Variants in SLC17A1 observed in about 807,000 individuals in gnomAD.
SLC17A1 encodes sodium-dependent phosphate transport protein 1.
A neutral mutation model predicts 53.5 loss-of-function variants in SLC17A1; 51 were observed. The ratio of observed to expected loss-of-function variants is 0.95; its 90% CI spans 0.76 to 1.20. The LOEUF is 1.20. SLC17A1 is among the 50% of genes most tolerant of loss of function. The probability of loss-of-function intolerance (pLI) is 0.00; values close to 1 mark genes in which losing one functional copy is unlikely to be tolerated. For missense variants in SLC17A1, 538 were observed against 568.2 expected (o/e 0.95, Z 0.54); for synonymous variants, 179 against 198.8 (o/e 0.90, Z 0.84).
chr6:25,731,382 T>C, the SLC17A1 span, among the ~76,000 whole-genome samples: 2 of 152,262 alleles, frequency 1.3e-5, no homozygotes, highest in Non-Finnish European at 2.9e-5. Context: ...AACAGCCTAA[T>C]GCTCAGTGCC....
chr6:25,784,160 A>AAC (rs1294014366), intron 12 of SLC17A1, among the ~76,000 whole-genome samples: 2 of 152,178 alleles, frequency 1.3e-5, no homozygotes, highest in Non-Finnish European at 2.9e-5. Context: ...TTCCAGTGGA[A>AAC]ACAGCTGCTT....
At chr6:25,815,473 G>A (rs1352080428) in intron 6 of SLC17A1, among the ~76,000 whole-genome samples, 2 of 151,914 alleles carry the variant, frequency 1.3e-5, no homozygotes, top group East Asian at 1.9e-4. Flanking sequence ...TTTCTGAGAC[G>A]AATTACTATT....
the SLC17A1 span, among the ~76,000 whole-genome samples, chr6:25,730,174 A>C: frequency 6.6e-6 from 1 of 152,216 alleles, no homozygotes; most frequent in Non-Finnish European, 1.5e-5. Context: ...ATTGAAAGGA[A>C]ATAAAATCAG....
chr6:25,742,834 C>T, the SLC17A1 span, among the ~76,000 whole-genome samples: 9 of 152,162 alleles, frequency 5.9e-5, no homozygotes, highest in East Asian at 1.9e-4. Context: ...CAAATTAATA[C>T]ATTTTGTGCG....
chr6:25,732,099 T>G, the SLC17A1 span: 1 of 922,782 alleles, frequency 1.1e-6, no homozygotes, highest in Non-Finnish European at 1.5e-6. Context: ...CTTCGAGTTT[T>G]AGCAACTGCC....
the SLC17A1 span, among the ~76,000 whole-genome samples, chr6:25,756,080 T>C: frequency 6.6e-6 from 1 of 152,162 alleles, no homozygotes; most frequent in African/African-American, 2.4e-5. Context: ...TGGTTCTCAA[T>C]CTTGTCCTTT....
the SLC17A1 span, among the ~76,000 whole-genome samples, chr6:25,748,747 GT>G: frequency 6.6e-6 from 1 of 152,202 alleles, no homozygotes; most frequent in African/African-American, 2.4e-5. Context: ...AAGAAAACAC[GT>G]GAGCAAAGGA....
chr6:25,779,389 GTGTGTTGAGATTTC>G (rs1763194791), downstream of SLC17A1: 2 of 587,908 alleles, frequency 3.4e-6, no homozygotes, highest in Admixed American at 3.4e-5. Context: ...AAAAGCATAG[GTGTGTTGAGATTTC>G]TGTGTTCTCC....
At chr6:25,808,742 C>A (rs1003715795) in intron 10 of SLC17A1, among the ~76,000 whole-genome samples, 30 of 151,758 alleles carry the variant, frequency 2.0e-4, no homozygotes, top group Non-Finnish European at 4.3e-4. Flanking sequence ...TTATTAAAGT[C>A]AAAAACCAAC....
the SLC17A1 span, among the ~76,000 whole-genome samples, chr6:25,728,273 G>A: frequency 3.3e-5 from 5 of 152,068 alleles, no homozygotes; most frequent in Non-Finnish European, 5.9e-5. Context: ...GGAATTAAAC[G>A]GATTTAAAAT....
intron 10 of SLC17A1, among the ~76,000 whole-genome samples, chr6:25,810,384 A>G (rs1046889630): frequency 1.3e-5 from 2 of 152,186 alleles, no homozygotes; most frequent in Non-Finnish European, 2.9e-5. Flanking sequence ...GTTAATATCC[A>G]AAGAATACAA....
chr6:25,830,615 T>C lies in SLC17A1; in HGVS notation c.-50-8A>G, dbSNP rs375091113. The C allele has an allele frequency of 3.1e-6, 5 of 1,602,222 alleles. No individual in the cohort carries two copies. The African/African-American group carries it at 5.4e-5, about 17-fold the overall frequency. ...GGGTTTTGCCTCCACCCACTGTGAG[T>C]GCAAAACACGTTGATGTCAGCATAA... On this transcript the variant is annotated splice_polypyrimidine_tract_variant and splice_region_variant and intron_variant, in intron 1 of 12. Coordinates refer to ENST00000244527, the MANE Select transcript of SLC17A1 (RefSeq NM_005074.5).
At chr6:25,761,887 G>T in the SLC17A1 span, 1 of 1,223,762 alleles carries the variant, frequency 8.2e-7, no homozygotes, top group Non-Finnish European at 1.2e-6. Flanking sequence ...TATCATATAA[G>T]ATTCTCCCTG....
chr6:25,803,279 A>G (rs1190342335), intron 10 of SLC17A1, among the ~76,000 whole-genome samples: 1 of 152,076 alleles, frequency 6.6e-6, no homozygotes, highest in East Asian at 1.9e-4. Context: ...AATAAATCAA[A>G]TAAATACATG....
the SLC17A1 span, among the ~76,000 whole-genome samples, chr6:25,728,272 C>T: frequency 6.6e-6 from 1 of 152,080 alleles, no homozygotes; most frequent in Admixed American, 6.6e-5. Flanking sequence ...AGGAATTAAA[C>T]GGATTTAAAA....
At chr6:25,806,815 TCAAA>T (rs1227636958) in intron 10 of SLC17A1, among the ~76,000 whole-genome samples, 1 of 151,856 alleles carries the variant, frequency 6.6e-6, no homozygotes, top group Non-Finnish European at 1.5e-5. Flanking sequence ...TACAAGGAAC[TCAAA>T]CAAATCAGCA....
the SLC17A1 span, chr6:25,770,190 G>A: frequency 6.2e-7 from 1 of 1,614,130 alleles, no homozygotes; most frequent in Non-Finnish European, 8.5e-7. Context: ...CAAGTATGTG[G>A]TTGGTGCTGG....
chr6:25,775,904 C>T, the SLC17A1 span, among the ~76,000 whole-genome samples: 2 of 152,144 alleles, frequency 1.3e-5, no homozygotes, highest in South Asian at 2.1e-4. Flanking sequence ...CATATCAGTA[C>T]ATGAGAACCT....
intron 12 of SLC17A1, among the ~76,000 whole-genome samples, chr6:25,795,317 C>T (rs1763581159): frequency 6.6e-6 from 1 of 151,982 alleles, no homozygotes; most frequent in Non-Finnish European, 1.5e-5. Flanking sequence ...TAATTAGAAA[C>T]ATTGAATGTG....
Sources: allele counts gnomAD v4.1 joint callset (sites outside exome capture counted in the v4.1 genomes callset), GRCh38; gene constraint gnomAD v4.1.1; transcripts MANE v1.5; gene names NCBI Gene and HGNC (gene_info 2026-07-23, HGNC 2026-07-21).